Variants in CHLSN observed in about 807,000 individuals in gnomAD.
CHLSN encodes protein cholesin.
the CHLSN span, among the ~76,000 whole-genome samples, chr7:1,060,054 G>GAGGCGGGTCTTAGTA: frequency 2.6e-5 from 4 of 150,970 alleles, no homozygotes; most frequent in Non-Finnish European, 5.9e-5. Flanking sequence ...GGGTCTTAGT[G>GAGGCGGGTCTTAGTA]AGGCGGGTCT....
the CHLSN span, among the ~76,000 whole-genome samples, chr7:1,090,195 G>A: frequency 6.6e-6 from 1 of 152,252 alleles, no homozygotes; most frequent in Non-Finnish European, 1.5e-5. Flanking sequence ...CACCATCTGG[G>A]CCAGGTAATT....
the CHLSN span, among the ~76,000 whole-genome samples, chr7:1,036,789 G>A: frequency 7.8e-6 from 1 of 128,314 alleles, no homozygotes; most frequent in Non-Finnish European, 1.9e-5. Context: ...GAAGGCGAAC[G>A]CTTCGCTGGC....
At chr7:1,016,436 C>T in the CHLSN span, among the ~76,000 whole-genome samples, 8,113 of 105,928 alleles carry the variant, frequency 0.077, 258 homozygotes, top group Admixed American at 0.099. Context: ...CACACAGCAG[C>T]GCACGCCAGC....
At chr7:1,044,632 C>G in the CHLSN span, 2 of 151,676 alleles carry the variant, frequency 1.3e-5, no homozygotes, top group Non-Finnish European at 2.9e-5. Context: ...CCGGCGGCGA[C>G]TGCGCCGGCC....
At chr7:1,092,724 G>A in the CHLSN span, 3 of 1,613,590 alleles carry the variant, frequency 1.9e-6, no homozygotes, top group East Asian at 6.7e-5. Flanking sequence ...AGACCTTCAG[G>A]GACAAGCTGA....
At chr7:1,072,335 C>G in the CHLSN span, among the ~76,000 whole-genome samples, 2 of 152,358 alleles carry the variant, frequency 1.3e-5, no homozygotes, top group East Asian at 3.9e-4. Flanking sequence ...TGCAGCGAAG[C>G]TCATGAATGC....
chr7:1,009,286 C>T, the CHLSN span, among the ~76,000 whole-genome samples: 6 of 152,314 alleles, frequency 3.9e-5, no homozygotes, highest in Admixed American at 1.3e-4. Context: ...AAGCCAGCCA[C>T]GTGGACGCCG....
chr7:1,091,506 G>A, the CHLSN span: 19 of 523,810 alleles, frequency 3.6e-5, no homozygotes, highest in Non-Finnish European at 4.7e-5. Flanking sequence ...TCGCCTCCAC[G>A]GATGCACCAT....
chr7:992,248 C>T, the CHLSN span, among the ~76,000 whole-genome samples: 1 of 152,220 alleles, frequency 6.6e-6, no homozygotes, highest in African/African-American at 2.4e-5. Context: ...CTGCTCTTGG[C>T]CCCAGATCTG....
At chr7:1,132,179 G>A in the CHLSN span, among the ~76,000 whole-genome samples, 47 of 152,294 alleles carry the variant, frequency 3.1e-4, 1 homozygote, top group Non-Finnish European at 8.8e-5. Flanking sequence ...CCAAAAACAC[G>A]TGGCAAAAGA....
At chr7:1,095,177 G>A in the CHLSN span, among the ~76,000 whole-genome samples, 1 of 152,060 alleles carries the variant, frequency 6.6e-6, no homozygotes, top group Admixed American at 6.5e-5. Flanking sequence ...TGACATCCGT[G>A]CTCTGGAGCT....
the CHLSN span, chr7:986,878 C>G: frequency 7.1e-7 from 1 of 1,401,756 alleles, no homozygotes; most frequent in Non-Finnish European, 9.4e-7. Context: ...GGGGAGGGGT[C>G]CATACCGGTC....
chr7:1,117,009 GGAT>G, the CHLSN span, among the ~76,000 whole-genome samples: 10 of 66,432 alleles, frequency 1.5e-4, 1 homozygote, highest in Non-Finnish European at 2.5e-5. Context: ...CGCCCACGCA[GGAT>G]GATGACAGCA....
chr7:1,092,295 G>A, the CHLSN span: 14 of 1,611,682 alleles, frequency 8.7e-6, no homozygotes, highest in African/African-American at 2.7e-5. Context: ...TGTCAGCCAC[G>A]CTGGTGCCCT....
At chr7:1,117,333 G>A in the CHLSN span, among the ~76,000 whole-genome samples, 3 of 100,384 alleles carry the variant, frequency 3.0e-5, no homozygotes, top group East Asian at 2.6e-4. Flanking sequence ...TTCCATCACC[G>A]ACGCCCACGC....
the CHLSN span, chr7:1,088,072 G>C: frequency 6.6e-6 from 1 of 152,350 alleles, no homozygotes; most frequent in East Asian, 1.9e-4. This position sits in a 1 kb window ranked among gnomAD's most constrained non-coding sequence, Gnocchi z 4.5. Flanking sequence ...GAGGAGCGGG[G>C]CGGAGGGGGC....
the CHLSN span, among the ~76,000 whole-genome samples, chr7:1,063,300 C>T: frequency 7.9e-5 from 12 of 152,226 alleles, no homozygotes; most frequent in African/African-American, 2.9e-4. Context: ...CAGGGGCTGG[C>T]AGCCGGTCTG....
chr7:1,070,554 ACACACGTG>A, the CHLSN span, among the ~76,000 whole-genome samples: 1 of 124,930 alleles, frequency 8.0e-6, no homozygotes, highest in East Asian at 2.2e-4. Flanking sequence ...GGACACACGC[ACACACGTG>A]CACACACGCA....
chr7:980,436 G>A, the CHLSN span, among the ~76,000 whole-genome samples: 1 of 152,216 alleles, frequency 6.6e-6, no homozygotes, highest in Non-Finnish European at 1.5e-5. Flanking sequence ...GAGGTCCACC[G>A]GACATCAGAA....
Sources: allele counts gnomAD v4.1 joint callset (sites outside exome capture counted in the v4.1 genomes callset), GRCh38; gene constraint gnomAD v4.1.1; non-coding constraint Gnocchi (gnomAD v3.1); transcripts MANE v1.5; gene names NCBI Gene and HGNC (gene_info 2026-07-23, HGNC 2026-07-21).